The following AMPD3 variants were observed in gnomAD, a reference collection of about 807,000 sequenced individuals.
AMPD3 encodes the protein AMP deaminase 3.
In AMPD3, 57 loss-of-function variants were observed where a neutral mutation model predicts 82.3. The observed-to-expected ratio is 0.69, with a 90% CI of 0.56 to 0.86. AMPD3 has a LOEUF of 0.86. Ranked by LOEUF, AMPD3 falls within the 40% of genes least tolerant of loss-of-function variation. The probability of loss-of-function intolerance (pLI) is 0.00; values close to 1 mark genes in which losing one functional copy is unlikely to be tolerated. For synonymous variants in AMPD3, 381 were observed against 394.7 expected, an observed-to-expected ratio of 0.97 and a Z score of 0.41; for missense variants, 870 against 1,003.8, an observed-to-expected ratio of 0.87 and a Z score of 1.80.
At position 10,501,536 on chromosome 11, in the gene AMPD3, G is replaced by A; in HGVS notation, c.1788G>A (p.Leu596=). The part of the protein sequence containing the change: ...HCGEAGSITH[L]VSAFLTADNI... ...GGGAAGCCGGCTCCATCACCCACCT[G>A]GTGTCTGCCTTCCTCACTGCTGACA... Residue 596 remains leucine (L), a synonymous_variant, in exon 12 of 15, where the codon CTG becomes CTA. Transcript: ENST00000396553. The A allele has an allele frequency of 6.2e-7, 1 of 1,614,104 alleles. No homozygotes were observed. Among genetic ancestry groups the A allele is most frequent in the Non-Finnish European group, 8.5e-7 (1 of 1,180,030 alleles).
chr11:10,502,659 C>T, intron 12 of AMPD3, 62 bp from the exon 13 acceptor site: 1 of 1,602,408 alleles, frequency 6.2e-7, no homozygotes, highest in Non-Finnish European at 8.5e-7. Flanking sequence ...TCCTTTCTCC[C>T]TTCCCTTTTC....
rs575529828 is a variant in AMPD3, at chr11:10,497,892, T to C, written c.1557+954T>C. 1.2e-5 allele frequency: 12 copies of C among 960,152 alleles called. 1 individual carries two copies. In the South Asian group the frequency reaches 5.3e-4, roughly 42 times the overall value. The allele number at this position is 960,152 out of a possible 1,614,324, so 59.5% of individuals were successfully genotyped here. ...CCCCGTTACTATCACCATTTTGTTG[T>C]TAACAGTAAGCGGAATTATTATGTG... On this transcript the variant is annotated intron_variant, in intron 10 of 14. Transcript: ENST00000396553.
Position 10,500,182 on chromosome 11 carries a change from A to G in AMPD3, c.1654A>G (p.Asn552Asp). The change falls in exon 11 of 15, where the codon AAC (asparagine) becomes GAC (aspartate). Residue 552 changes from asparagine to aspartate, a missense_variant. By Grantham distance (23) the Asn-to-Asp change is conservative. Transcript: ENST00000396553. ...PNPDVWTSEQ[N>D]PPYSYYLYYM... The stretch of plus-strand genomic sequence containing the variant: ...CCCGGACGTCTGGACCAGTGAGCAG[A>G]ACCCACCCTACAGCTACTACCTGTA... 6.2e-7 allele frequency: 1 copy of G among 1,614,242 alleles called. No individual in the cohort carries two copies. Among genetic ancestry groups the G allele is most frequent in the Non-Finnish European group, 8.5e-7 (1 of 1,180,040 alleles).
chr11:10,499,621 G>T (rs1168115689), intron 10 of AMPD3: 1 of 982,346 alleles, frequency 1.0e-6, no homozygotes, highest in Non-Finnish European at 1.2e-6. Flanking sequence ...CTCTGAATAT[G>T]AATTAACTGA....
At chr11:10,478,787 T>C (rs36106536) in intron 3 of AMPD3, 57 bp downstream of exon 3, 113,958 of 1,570,628 alleles carry the variant, frequency 0.073, 4,740 homozygotes, top group Non-Finnish European at 0.086. Flanking sequence ...AGGGGCCCCA[T>C]GGGCCACAGG....
In AMPD3 at chr11:10,456,246, A is replaced by G; in HGVS notation, c.-6+798A>G. On this transcript the variant is annotated intron_variant, in intron 1 of 14. Transcript: ENST00000396553. This position sits in a 1 kb window ranked among gnomAD's most constrained non-coding sequence, Gnocchi z 4.3. ...CTCTGGCTCACTGCTGCTCACAGAT[A>G]TGCAAAACAGAGACCTCCTACTCCA... 6.6e-7 allele frequency: 1 copy of G among 1,517,340 alleles called. No homozygotes were observed. The highest frequency in any genetic ancestry group is 1.3e-5 in the South Asian group (1 of 75,260). 94.0% of individuals were successfully genotyped at this position (1,517,340 alleles called of 1,614,324 possible).
At chr11:10,505,331 G>A (rs1285386014) in intron 14 of AMPD3, 1 of 985,366 alleles carries the variant, frequency 1.0e-6, no homozygotes, top group Admixed American at 6.1e-5. Context: ...GCAGTGTGGT[G>A]CCTTGGATTG....
In AMPD3 at chr11:10,485,058, G is replaced by A. The variant is rs193141345; in HGVS notation, c.809+19G>A. 3.4e-5 allele frequency: 55 copies of A among 1,603,972 alleles called. No individual in the cohort carries two copies. The highest frequency in any genetic ancestry group is 4.3e-5 in the Non-Finnish European group (50 of 1,175,370). ...GCCCCACGTAAGCTAGCTTCTCCGC[G>A]GCTGCCTGTCTTTGCACAGGTGCTG... On this transcript the variant is annotated intron_variant, in intron 5 of 14. Coordinates refer to ENST00000396553, the MANE Select transcript of AMPD3 (RefSeq NM_001025389.2).
At chr11:10,497,432 T>C (rs1398352468) in intron 10 of AMPD3, among the ~76,000 whole-genome samples, 1 of 152,012 alleles carries the variant, frequency 6.6e-6, no homozygotes, top group African/African-American at 2.4e-5. Flanking sequence ...AGAGGAGCAG[T>C]CTGGGAGAGG....
At chr11:10,481,518 G>A in intron 3 of AMPD3, 3 of 985,288 alleles carry the variant, frequency 3.0e-6, no homozygotes, top group Non-Finnish European at 3.6e-6. Context: ...CTCCTGTGTT[G>A]GGGGTCTCCA....
intron 6 of AMPD3, among the ~76,000 whole-genome samples, chr11:10,491,571 G>A (rs1026477001): frequency 7.2e-5 from 11 of 152,218 alleles, no homozygotes; most frequent in Admixed American, 7.2e-4. Context: ...TCAGGCCTGA[G>A]AACATGCAGG....
At chr11:10,496,592 AT>A in intron 9 of AMPD3, 1 of 975,466 alleles carries the variant, frequency 1.0e-6, no homozygotes, top group Non-Finnish European at 1.2e-6. Flanking sequence ...AAGTGCTCTG[AT>A]GGGCATGGGT....
chr11:10,477,859 A>T, intron 2 of AMPD3: 2 of 985,046 alleles, frequency 2.0e-6, no homozygotes, highest in Non-Finnish European at 2.4e-6. Context: ...GATCTTGCAG[A>T]TCTCCTTGGC....
intron 1 of AMPD3, 49 bp from the exon 2 acceptor site, chr11:10,461,466 C>T: frequency 1.9e-6 from 3 of 1,613,150 alleles, no homozygotes; most frequent in Non-Finnish European, 2.5e-6. Flanking sequence ...TTCCCCGGTG[C>T]TGGTGACTCA....
chr11:10,492,613 TG>T (rs1300644204), intron 6 of AMPD3, among the ~76,000 whole-genome samples: 3 of 152,244 alleles, frequency 2.0e-5, no homozygotes, highest in African/African-American at 7.2e-5. Context: ...GGTTCGACTT[TG>T]TACTAGGCTC....
chr11:10,460,852 G>C (rs978651435), intron 1 of AMPD3: 21 of 980,034 alleles, frequency 2.1e-5, no homozygotes, highest in Admixed American at 1.8e-4. Flanking sequence ...ATCAGTATGC[G>C]AGGAGGTGGA....
chr11:10,450,796 G>A (rs1314233282), upstream of AMPD3: 16 of 1,176,762 alleles, frequency 1.4e-5, no homozygotes, highest in East Asian at 5.8e-4. Context: ...CACGCGGCTG[G>A]CCGGCTTCCT....
At chr11:10,462,762 T>C (rs1310988723) in intron 2 of AMPD3, among the ~76,000 whole-genome samples, 1 of 152,160 alleles carries the variant, frequency 6.6e-6, no homozygotes, top group African/African-American at 2.4e-5. Context: ...AAAATCCTTT[T>C]TTAGACTGGG....
At position 10,481,819 on chromosome 11, in the gene AMPD3, C is replaced by T. The variant is rs1848915680; in HGVS notation, c.427-244C>T. On this transcript the variant is annotated intron_variant, in intron 3 of 14. Transcript: ENST00000396553. ...GTTTTCACTGGGGCTGGTCACATGTCTGCATAGCACATCTCAAATTCCAGG... is the reference window on the plus strand; with the variant it reads ...GTTTTCACTGGGGCTGGTCACATGTTTGCATAGCACATCTCAAATTCCAGG... 1.1e-5 allele frequency: 6 copies of T among 551,042 alleles called. 1 individual carries two copies. The highest frequency in any genetic ancestry group is 7.6e-5 in the South Asian group (4 of 52,430). 34.1% of individuals were successfully genotyped at this position (551,042 alleles called of 1,614,324 possible).
Sources: gnomAD v4.1 joint callset for allele counts (sites outside exome capture counted in the v4.1 genomes callset) on GRCh38, gnomAD v4.1.1 for gene constraint, Gnocchi (gnomAD v3.1) non-coding constraint, MANE v1.5 for transcripts, NCBI Gene and HGNC (gene_info 2026-07-23, HGNC 2026-07-21) for gene names.